Variants in ADAMTS3 observed in about 807,000 individuals in gnomAD.
ADAMTS3 encodes ADAM metallopeptidase with thrombospondin type 1 motif 3.
In ADAMTS3, 73 loss-of-function variants were observed where a neutral mutation model predicts 129.0. The observed-to-expected ratio is 0.57, with a 90% CI of 0.47 to 0.69. ADAMTS3 has a LOEUF of 0.69. Ranked by LOEUF, ADAMTS3 falls within the 30% of genes least tolerant of loss-of-function variation. The pLI is 0.00. For synonymous variants in ADAMTS3, 477 were observed against 510.8 expected, an observed-to-expected ratio of 0.93 and a Z score of 0.89; for missense variants, 1,457 against 1,514.5, an observed-to-expected ratio of 0.96 and a Z score of 0.63.
chr4:72,433,437 G>A (rs562957502), intron 3 of ADAMTS3, among the ~76,000 whole-genome samples: 61 of 151,814 alleles, frequency 4.0e-4, no homozygotes, highest in Non-Finnish European at 6.8e-4. Context: ...GCTATACCTT[G>A]CTTCAAACTA....
chr4:72,532,828 G>T (rs543348159), intron 3 of ADAMTS3, among the ~76,000 whole-genome samples: 2 of 152,206 alleles, frequency 1.3e-5, no homozygotes, highest in South Asian at 2.1e-4. Context: ...ACATAGAAAA[G>T]AAATGGTAAA....
chr4:72,304,104 C>CA (rs1454891178), intron 16 of ADAMTS3, 24 bp from the exon 17 acceptor site: 2 of 1,606,072 alleles, frequency 1.2e-6, no homozygotes, highest in Admixed American at 1.7e-5. Flanking sequence ...AATGAGTAAC[C>CA]AGCATACATT....
chr4:72,548,436 C>T (rs779268131), intron 3 of ADAMTS3, 42 bp downstream of exon 3: 1 of 1,587,738 alleles, frequency 6.3e-7, no homozygotes, highest in Non-Finnish European at 8.6e-7. Context: ...GGCTGCACTC[C>T]CAGCACCTGC....
At chr4:72,431,746 A>G (rs144793360) in intron 3 of ADAMTS3, among the ~76,000 whole-genome samples, 224 of 152,116 alleles carry the variant, frequency 1.5e-3, no homozygotes, top group Non-Finnish European at 2.2e-3. Context: ...GATAAGTATC[A>G]TGAAGAAAAT....
intron 5 of ADAMTS3, among the ~76,000 whole-genome samples, chr4:72,333,846 TGC>T (rs762187010): frequency 2.0e-3 from 159 of 77,588 alleles, no homozygotes; most frequent in Non-Finnish European, 3.2e-3. Flanking sequence ...TTTGTTTGCT[TGC>T]TTTTTTTTTT....
chr4:72,434,949 G>A (rs1264250303), intron 3 of ADAMTS3, among the ~76,000 whole-genome samples: 2 of 151,782 alleles, frequency 1.3e-5, no homozygotes, highest in Non-Finnish European at 2.9e-5. Flanking sequence ...AGAAAATGTG[G>A]ATCTCAATTA....
At chr4:72,506,336 C>T (rs1720158685) in intron 3 of ADAMTS3, among the ~76,000 whole-genome samples, 1 of 152,142 alleles carries the variant, frequency 6.6e-6, no homozygotes, top group African/African-American at 2.4e-5. Context: ...CAGACCAGAT[C>T]CAGGTTGTCA....
intron 3 of ADAMTS3, among the ~76,000 whole-genome samples, chr4:72,478,451 A>T (rs1468428385): frequency 1.1e-5 from 1 of 90,826 alleles, no homozygotes; most frequent in South Asian, 3.9e-4. Context: ...CCACATGATT[A>T]TCTCAATAGA....
chr4:72,474,791 C>A (rs976090687), intron 3 of ADAMTS3, among the ~76,000 whole-genome samples: 2 of 151,976 alleles, frequency 1.3e-5, no homozygotes, highest in Non-Finnish European at 2.9e-5. Context: ...CTTTGGGAGG[C>A]CGAGGCGGGT....
chr4:72,388,058 A>AAG (rs1721492982), intron 4 of ADAMTS3, among the ~76,000 whole-genome samples: 1 of 152,210 alleles, frequency 6.6e-6, no homozygotes, highest in South Asian at 2.1e-4. Context: ...CTACTTTGTA[A>AAG]AGAGGAGAAT....
intron 3 of ADAMTS3, among the ~76,000 whole-genome samples, chr4:72,507,959 G>T (rs546948702): frequency 4.9e-4 from 75 of 152,240 alleles, no homozygotes; most frequent in African/African-American, 1.7e-3. Context: ...AGTCACATAT[G>T]CCTCTATTAA....
At chr4:72,415,215 G>A (rs185501173) in intron 3 of ADAMTS3, among the ~76,000 whole-genome samples, 1,553 of 151,802 alleles carry the variant, frequency 0.01, 19 homozygotes, top group South Asian at 0.045. Flanking sequence ...AATTTACATA[G>A]GATAAGAATA....
intron 1 of ADAMTS3, among the ~76,000 whole-genome samples, chr4:72,567,676 C>T (rs1283321008): frequency 6.6e-6 from 1 of 152,188 alleles, no homozygotes; most frequent in Non-Finnish European, 1.5e-5. Context: ...ATGCTCTCTT[C>T]TGAAATGTCG....
Position 72,339,705 on chromosome 4 carries a change from C to T in ADAMTS3, c.662-12G>A. 5 of 1,610,632 alleles carry T rather than the reference C, an allele frequency of 3.1e-6. No homozygotes were observed. In the African/African-American group the frequency reaches 5.3e-5, roughly 17 times the overall value. ...TTCCAGGTCCGACTCTAATAAGAGACAAAAGGAACCAGGAATTTCAGTTTC... is the reference window on the plus strand; with the variant it reads ...TTCCAGGTCCGACTCTAATAAGAGATAAAAGGAACCAGGAATTTCAGTTTC... On this transcript the variant is annotated splice_polypyrimidine_tract_variant and intron_variant, in intron 4 of 21. Transcript: ENST00000286657.
At chr4:72,494,607 T>C (rs977765607) in intron 3 of ADAMTS3, among the ~76,000 whole-genome samples, 2 of 152,206 alleles carry the variant, frequency 1.3e-5, no homozygotes, top group African/African-American at 4.8e-5. Flanking sequence ...AAAATTATCA[T>C]GTTGCTTTGG....
chr4:72,551,581 G>C (rs977045686), intron 2 of ADAMTS3, among the ~76,000 whole-genome samples: 1 of 152,100 alleles, frequency 6.6e-6, no homozygotes, highest in East Asian at 1.9e-4. Context: ...CCATCTCCTG[G>C]ATGGTAGTTA....
At position 72,548,826 on chromosome 4, in the gene ADAMTS3, T is replaced by C. The variant is rs147628406; in HGVS notation, c.156A>G (p.Leu52=). Residue 52 remains leucine (L), a synonymous_variant, in exon 3 of 22, where the codon CTA becomes CTG. Transcript: ENST00000286657. ...YELVTPVSTN[L]EGRYLSHTLS... is the part of the protein sequence containing the mutation. ...GAGTATGGGAGAGATAGCGTCCTTC[T>C]AGATTTGTGCTGACTGGAGTCACCA... 197 of 1,613,870 alleles carry C rather than the reference T, an allele frequency of 1.2e-4. 1 individual carries two copies. Among genetic ancestry groups the C allele is most frequent in the Middle Eastern group, 1.2e-3 (7 of 6,054 alleles).
At chr4:72,322,673 T>C (rs1410117200) in intron 6 of ADAMTS3, among the ~76,000 whole-genome samples, 1 of 152,172 alleles carries the variant, frequency 6.6e-6, no homozygotes, top group Non-Finnish European at 1.5e-5. Context: ...AATGAATAAA[T>C]GAAACACACA....
intron 4 of ADAMTS3, among the ~76,000 whole-genome samples, chr4:72,355,263 A>T (rs1264853348): frequency 6.6e-6 from 1 of 151,948 alleles, no homozygotes; most frequent in Non-Finnish European, 1.5e-5. Flanking sequence ...CCAAGGGACC[A>T]GCTCACATTT....
Sources: gnomAD v4.1 joint callset for allele counts (sites outside exome capture counted in the v4.1 genomes callset) on GRCh38, gnomAD v4.1.1 for gene constraint, MANE v1.5 for transcripts, NCBI Gene and HGNC (gene_info 2026-07-23, HGNC 2026-07-21) for gene names.